FHOD3: variants seen among roughly 807,000 people sequenced by gnomAD.
The protein encoded by FHOD3 is FH1/FH2 domain-containing protein 3.
A neutral mutation model predicts 173.0 loss-of-function variants in FHOD3; 90 were observed. The ratio of observed to expected loss-of-function variants is 0.52; its 90% CI spans 0.44 to 0.62. FHOD3 has a LOEUF of 0.62. Among genes scored for constraint, FHOD3 ranks in the 20% least tolerant of loss-of-function variants. The pLI is 0.00. For missense variants in FHOD3, 1,945 were observed against 2,034.7 expected, an observed-to-expected ratio of 0.96 and a Z score of 0.85; for synonymous variants, 828 against 823.0, an observed-to-expected ratio of 1.01 and a Z score of -0.10.
At chr18:36,727,391 G>A (rs755198820) in intron 19 of FHOD3, among the ~76,000 whole-genome samples, 1 of 152,150 alleles carries the variant, frequency 6.6e-6, no homozygotes, top group Non-Finnish European at 1.5e-5. Context: ...CCCTCATCTT[G>A]GGCAGTACTA....
chr18:36,763,032 TATA>T (rs1474057918), intron 27 of FHOD3, among the ~76,000 whole-genome samples: 1 of 129,522 alleles, frequency 7.7e-6, no homozygotes, highest in Non-Finnish European at 1.7e-5. Flanking sequence ...ACACTTTATA[TATA>T]ATATGCGTAT....
chr18:36,546,275 G>C (rs1365485103), intron 5 of FHOD3, among the ~76,000 whole-genome samples: 1 of 152,124 alleles, frequency 6.6e-6, no homozygotes, highest in African/African-American at 2.4e-5. Context: ...AACTGCTAAG[G>C]TACTTAATGG....
intron 3 of FHOD3, among the ~76,000 whole-genome samples, chr18:36,408,080 C>T (rs933776633): frequency 3.9e-5 from 6 of 152,180 alleles, no homozygotes; most frequent in African/African-American, 1.4e-4. Flanking sequence ...AGACCGCCTT[C>T]CAGAGCCCTT....
chr18:36,639,619 T>C (rs28547486), intron 10 of FHOD3, among the ~76,000 whole-genome samples: 11,099 of 148,702 alleles, frequency 0.075, 699 homozygotes, highest in East Asian at 0.23. Flanking sequence ...GCGGAGATCG[T>C]GCCACTGCAC....
intron 3 of FHOD3, among the ~76,000 whole-genome samples, chr18:36,476,137 A>C (rs2053563357): frequency 6.6e-6 from 1 of 152,032 alleles, no homozygotes; most frequent in Admixed American, 6.6e-5. Context: ...GTTTTTTGAC[A>C]GGCACAGTGC....
At chr18:36,301,068 C>G (rs1261843058) in intron 1 of FHOD3, among the ~76,000 whole-genome samples, 1 of 152,058 alleles carries the variant, frequency 6.6e-6, no homozygotes, top group African/African-American at 2.4e-5. Context: ...CTGAAGTGGT[C>G]ACATATACAA....
chr18:36,374,673 A>C (rs982916157), intron 3 of FHOD3, among the ~76,000 whole-genome samples: 1 of 152,204 alleles, frequency 6.6e-6, no homozygotes, highest in East Asian at 1.9e-4. Flanking sequence ...AAGAAACTAG[A>C]CTGGAAATCA....
chr18:36,429,338 T>G (rs778971296), intron 3 of FHOD3, among the ~76,000 whole-genome samples: 4 of 152,146 alleles, frequency 2.6e-5, no homozygotes, highest in Non-Finnish European at 5.9e-5. Context: ...AAAAGAGAAG[T>G]GAAGAACTAA....
chr18:36,384,909 C>T (rs563214674), intron 3 of FHOD3, among the ~76,000 whole-genome samples: 2 of 152,198 alleles, frequency 1.3e-5, no homozygotes, highest in African/African-American at 2.4e-5. Context: ...CCACCACCAC[C>T]ACCACCACCA....
chr18:36,635,135 G>A (rs950472932), intron 10 of FHOD3, among the ~76,000 whole-genome samples: 1 of 152,196 alleles, frequency 6.6e-6, no homozygotes, highest in African/African-American at 2.4e-5. Flanking sequence ...GGAAGGCTGG[G>A]AGAGTGGGCT....
chr18:36,566,684 C>T lies in FHOD3; in HGVS notation c.512-9767C>T, dbSNP rs146114298. On this transcript the variant is annotated intron_variant, in intron 5 of 28. Coordinates refer to ENST00000590592, the MANE Select transcript of FHOD3 (RefSeq NM_001281740.3). Reference sequence around the variant, plus strand: ...CAAAGGCGGGAGACCAGCCAGGACCCGCAGTTGCTATTGTCCAGGAGAGAT... The same window carrying T: ...CAAAGGCGGGAGACCAGCCAGGACCTGCAGTTGCTATTGTCCAGGAGAGAT... 2.0e-3 allele frequency among the ~76,000 whole-genome samples: 308 copies of T among 152,242 alleles called. 1 individual carries two copies. Among genetic ancestry groups the T allele is most frequent in the Middle Eastern group, 0.014 (4 of 294 alleles).
intron 3 of FHOD3, among the ~76,000 whole-genome samples, chr18:36,489,887 C>T (rs1568340364): frequency 1.3e-5 from 2 of 152,024 alleles, no homozygotes; most frequent in Non-Finnish European, 2.9e-5. Flanking sequence ...GGCGGTTGGC[C>T]AAGCTATTTT....
At chr18:36,763,787 A>AGGC (rs1430596368) in intron 27 of FHOD3, among the ~76,000 whole-genome samples, 1 of 152,078 alleles carries the variant, frequency 6.6e-6, no homozygotes, top group Non-Finnish European at 1.5e-5. Context: ...ACACCAACTG[A>AGGC]GGCACAGATG....
At chr18:36,679,942 A>G (rs914532562) in intron 14 of FHOD3, among the ~76,000 whole-genome samples, 56 of 152,248 alleles carry the variant, frequency 3.7e-4, no homozygotes, top group African/African-American at 1.3e-3. Flanking sequence ...TAACAGTTTT[A>G]TCAATTACTG....
chr18:36,336,611 C>T (rs893886755), intron 1 of FHOD3, among the ~76,000 whole-genome samples: 1 of 149,972 alleles, frequency 6.7e-6, no homozygotes, highest in African/African-American at 2.5e-5. Context: ...CCGAGGCGGG[C>T]AGATCACCTG....
At chr18:36,750,141 T>C (rs905211311) in intron 24 of FHOD3, among the ~76,000 whole-genome samples, 3 of 152,050 alleles carry the variant, frequency 2.0e-5, no homozygotes, top group African/African-American at 7.2e-5. Context: ...TACAAAAAAT[T>C]AGCTGAGCAT....
chr18:36,359,999 C>G (rs2046532305), intron 2 of FHOD3, among the ~76,000 whole-genome samples: 1 of 152,242 alleles, frequency 6.6e-6, no homozygotes, highest in South Asian at 2.1e-4. Context: ...GCCCTGAGAT[C>G]TCAACTTTTA....
Position 36,328,155 on chromosome 18 carries a change from C to T in FHOD3, c.166-27384C>T, listed in dbSNP as rs1262274331. On this transcript the variant is annotated intron_variant, in intron 1 of 28. Coordinates refer to ENST00000590592, the MANE Select transcript of FHOD3 (RefSeq NM_001281740.3). Reference sequence around the variant, plus strand: ...AGAGGGCAGTGGCCAGGACAAAGTTCCTGACCGCATGGACCTGGTATCTGG... The same window carrying T: ...AGAGGGCAGTGGCCAGGACAAAGTTTCTGACCGCATGGACCTGGTATCTGG... Among the ~76,000 whole-genome samples the T allele has an allele frequency of 2.0e-5, 3 of 152,138 alleles. No homozygotes were observed. The South Asian group carries it at 6.2e-4, about 32-fold the overall frequency.
chr18:36,694,986 T>C (rs894836868), intron 17 of FHOD3, among the ~76,000 whole-genome samples: 2 of 150,910 alleles, frequency 1.3e-5, no homozygotes, highest in Non-Finnish European at 2.9e-5. Flanking sequence ...GGTGTGTGTG[T>C]GTGTGTGTGT....
Sources: allele counts gnomAD v4.1 joint callset (sites outside exome capture counted in the v4.1 genomes callset), GRCh38; gene constraint gnomAD v4.1.1; transcripts MANE v1.5; gene names NCBI Gene and HGNC (gene_info 2026-07-23, HGNC 2026-07-21).